Variants in CLRN3 observed in about 807,000 individuals in gnomAD.
The protein encoded by CLRN3 is clarin 3.
CLRN3 carries 12 observed loss-of-function variants against 16.7 expected under a neutral mutation model. The ratio of observed to expected loss-of-function variants is 0.72; its 90% confidence interval spans 0.46 to 1.16. The LOEUF (loss-of-function observed/expected upper bound fraction) is 1.16, where lower values mean the gene tolerates loss of function less well. Ranked by LOEUF, CLRN3 falls within the 50% of genes most tolerant of loss-of-function variation. The pLI is 0.00. For synonymous variants in CLRN3, 118 were observed against 113.0 expected (o/e 1.04, Z -0.28); for missense variants, 296 against 274.2 (o/e 1.08, Z -0.56).
Position 127,892,938 on chromosome 10 carries a change from A to G in CLRN3, c.-154T>C, listed in dbSNP as rs1845276170. 1.1e-5 allele frequency: 7 copies of G among 609,664 alleles called. No homozygotes were observed. The highest frequency in any genetic ancestry group is 1.2e-5 in the Non-Finnish European group (4 of 346,110). The allele number at this position is 609,664 out of a possible 1,614,324, so 37.8% of individuals were successfully genotyped here. On this transcript the variant is annotated 5_prime_UTR_variant, in exon 1 of 3. Coordinates refer to ENST00000368671, the MANE Select transcript of CLRN3 (RefSeq NM_152311.5). Reference sequence around the variant, plus strand: ...ACTCTTCCTGAGGAAGGGTTATGCTAATGGACATTGAACTCTGAACATGGC... The same window carrying G: ...ACTCTTCCTGAGGAAGGGTTATGCTGATGGACATTGAACTCTGAACATGGC...
In CLRN3 at chr10:127,883,606, T is replaced by G; in HGVS notation, c.409+90A>C. 6.5e-6 allele frequency: 6 copies of G among 924,968 alleles called. No individual in the cohort carries two copies. In the Admixed American group the frequency reaches 8.7e-5, roughly 13 times the overall value. 57.3% of individuals were successfully genotyped at this position (924,968 alleles called of 1,614,324 possible). ...AGTTTCCTTGGTGTAAACGTGACTG[T>G]GTATGTTCATGCATGTGTGAGAGGC... On this transcript the variant is annotated intron_variant, in intron 2 of 2. Coordinates refer to ENST00000368671, the MANE Select transcript of CLRN3 (RefSeq NM_152311.5).
Position 127,878,113 on chromosome 10 carries a change from C to T in CLRN3, c.*36G>A, listed in dbSNP as rs1845079668. 1 of 1,603,608 alleles carries T rather than the reference C, an allele frequency of 6.2e-7. No homozygotes were observed. The highest frequency in any genetic ancestry group is 8.5e-7 in the Non-Finnish European group (1 of 1,172,674). On this transcript the variant is annotated 3_prime_UTR_variant, in exon 3 of 3. Transcript: ENST00000368671. Reference sequence around the variant, plus strand: ...CCAGTTACTACTCAGGGCTGATGTACAATAGATGCAACGCCAAAATGAGAT... The same window carrying T: ...CCAGTTACTACTCAGGGCTGATGTATAATAGATGCAACGCCAAAATGAGAT...
At position 127,892,595 on chromosome 10, in the gene CLRN3, A is replaced by G. The variant is rs150508378; in HGVS notation, c.190T>C (p.Leu64=). ...GLFRGESSEE[L]SHGLAEPKKK... ...TTTGGTTCTGCAAGTCCGTGACTCA[A>G]TTCTTCACTACTCTCCCCACGAAAA... The change falls in exon 1 of 3, where the codon TTG becomes CTG. Residue 64 remains leucine, a synonymous_variant. Coordinates refer to ENST00000368671, the MANE Select transcript of CLRN3 (RefSeq NM_152311.5). 2.3e-5 allele frequency: 37 copies of G among 1,612,132 alleles called. No homozygotes were observed. Among genetic ancestry groups the G allele is most frequent in the African/African-American group, 2.1e-4 (16 of 74,908 alleles).
chr10:127,878,372 G>A lies in CLRN3; in HGVS notation c.458C>T (p.Ser153Phe). The change falls in exon 3 of 3, where the codon TCC becomes TTC. Residue 153 changes from serine to phenylalanine, a missense_variant. Ser to Phe is a radical substitution (Grantham distance 155, BLOSUM62 -2). Coordinates refer to ENST00000368671, the MANE Select transcript of CLRN3 (RefSeq NM_152311.5). ...GAACAACTCTTCGGAGAGTTGGTTG[G>A]ACTGCGTGTTCGCCACAAACAGTAT... Reference protein sequence around the residue: ...TMILFVANTQSNQLSEELFQM... With the variant: ...TMILFVANTQFNQLSEELFQM... 1 of 1,614,218 alleles carries A rather than the reference G, an allele frequency of 6.2e-7. No individual in the cohort carries two copies. Among genetic ancestry groups the A allele is most frequent in the Non-Finnish European group, 8.5e-7 (1 of 1,180,046 alleles).
chr10:127,883,395 C>T (rs7918202), intron 2 of CLRN3, among the ~76,000 whole-genome samples: 14,010 of 152,210 alleles, frequency 0.092, 761 homozygotes, highest in Middle Eastern at 0.21. Flanking sequence ...GGCAGGAGCC[C>T]GGTCAATATT....
At chr10:127,885,093 A>T (rs1210090093) in intron 1 of CLRN3, among the ~76,000 whole-genome samples, 2 of 152,198 alleles carry the variant, frequency 1.3e-5, no homozygotes, top group Admixed American at 1.3e-4. Flanking sequence ...AGCTTTAAAG[A>T]ACAGAAAGCG....
chr10:127,878,443 T>C, intron 2 of CLRN3, 23 bp from the exon 3 acceptor site: 2 of 1,612,334 alleles, frequency 1.2e-6, no homozygotes, highest in East Asian at 2.2e-5. Context: ...TGGAGTTTCA[T>C]GCATGGCATG....
chr10:127,878,052 G>T lies in CLRN3; in HGVS notation c.*97C>A. 2 of 1,395,770 alleles carry T rather than the reference G, an allele frequency of 1.4e-6. No individual in the cohort carries two copies. Among genetic ancestry groups the T allele is most frequent in the Non-Finnish European group, 9.9e-7 (1 of 1,014,770 alleles). 86.5% of individuals were successfully genotyped at this position (1,395,770 alleles called of 1,614,324 possible). On this transcript the variant is annotated 3_prime_UTR_variant, in exon 3 of 3. Coordinates refer to ENST00000368671, the MANE Select transcript of CLRN3 (RefSeq NM_152311.5). ...AACACAAATGCTGTCACAGATGACA[G>T]TCACGTTACCATGCTGAATTGTCCA...
chr10:127,879,024 C>T lies in CLRN3; in HGVS notation c.410-604G>A, dbSNP rs187453592. Among the ~76,000 whole-genome samples, 8 of 152,320 alleles carry T rather than the reference C, an allele frequency of 5.3e-5. No individual in the cohort carries two copies. In the East Asian group the frequency reaches 1.5e-3, roughly 29 times the overall value. ...CAAGTGTCTAATCAGGAGGAATCTC[C>T]TTACAAAACTCATTAGAGAAGAGAA... On this transcript the variant is annotated intron_variant, in intron 2 of 2. Coordinates refer to ENST00000368671, the MANE Select transcript of CLRN3 (RefSeq NM_152311.5).
intron 2 of CLRN3, among the ~76,000 whole-genome samples, chr10:127,880,364 C>A (rs1163457570): frequency 6.6e-6 from 1 of 151,956 alleles, no homozygotes; most frequent in African/African-American, 2.4e-5. Flanking sequence ...AGAGCCTCTA[C>A]CTGCCAGGCT....
Position 127,887,514 on chromosome 10 carries a change from T to C in CLRN3, c.230-3639A>G, listed in dbSNP as rs551517764. Among the ~76,000 whole-genome samples the C allele has an allele frequency of 1.1e-4, 17 of 152,240 alleles. 1 individual carries two copies. The highest frequency in any genetic ancestry group is 3.9e-4 in the African/African-American group (16 of 41,524). On this transcript the variant is annotated intron_variant, in intron 1 of 2. Transcript: ENST00000368671. ...TTGAATTTGGTTTTGTTTGTGACTT[T>C]TGGTAAGATCTAATGATGTGATTTT... is the stretch of plus-strand genomic sequence containing the variant.
rs777997418 is a variant in CLRN3 at position 127,883,689 on chromosome 10, C to T, written c.409+7G>A. ...TGCAGAGCACCGAGTCTCACAGGGC[C>T]ACTCACCACCGAGCCCGTTCCAGGT... On this transcript the variant is annotated splice_region_variant and intron_variant, in intron 2 of 2. Transcript: ENST00000368671. The T allele has an allele frequency of 1.2e-6, 2 of 1,602,864 alleles. No individual in the cohort carries two copies. The highest frequency in any genetic ancestry group is 2.2e-5 in the South Asian group (2 of 90,822).
chr10:127,881,276 G>T (rs576413377), intron 2 of CLRN3, among the ~76,000 whole-genome samples: 173 of 152,320 alleles, frequency 1.1e-3, no homozygotes, highest in Non-Finnish European at 1.4e-3. Context: ...TTGTGGATAG[G>T]AGTAGGCAGG....
intron 1 of CLRN3, among the ~76,000 whole-genome samples, chr10:127,887,964 C>G (rs1450193389): frequency 6.6e-6 from 1 of 152,176 alleles, no homozygotes; most frequent in African/African-American, 2.4e-5. Flanking sequence ...GAGGCAGAAA[C>G]GTGCTGTTGG....
intron 2 of CLRN3, among the ~76,000 whole-genome samples, chr10:127,881,327 C>T (rs1845125254): frequency 6.6e-6 from 1 of 152,182 alleles, no homozygotes; most frequent in East Asian, 1.9e-4. Context: ...TCATGTTTTC[C>T]TTCACAAACA....
chr10:127,885,231 A>G (rs1025698369), intron 1 of CLRN3, among the ~76,000 whole-genome samples: 1 of 152,182 alleles, frequency 6.6e-6, no homozygotes, highest in African/African-American at 2.4e-5. Flanking sequence ...AATGGGAGGC[A>G]GGAGACCCCA....
intron 1 of CLRN3, among the ~76,000 whole-genome samples, chr10:127,888,109 A>G (rs1845218207): frequency 6.6e-6 from 1 of 152,190 alleles, no homozygotes; most frequent in Admixed American, 6.5e-5. Context: ...ACATCAAGGG[A>G]GAGCCCGTGG....
At chr10:127,886,020 G>T (rs1591261277) in intron 1 of CLRN3, among the ~76,000 whole-genome samples, 1 of 152,202 alleles carries the variant, frequency 6.6e-6, no homozygotes, top group East Asian at 1.9e-4. Context: ...CTACCAAAGT[G>T]CTGGGATTAC....
Position 127,892,822 on chromosome 10 carries a change from A to T in CLRN3, c.-38T>A. ...ATAAGTTCTCTAGGACAAAAAAAGG[A>T]ATATCTTCTTATAACACTTTTGAAC... On this transcript the variant is annotated 5_prime_UTR_variant, in exon 1 of 3. Transcript: ENST00000368671. 8.2e-7 allele frequency: 1 copy of T among 1,213,946 alleles called. No homozygotes were observed. The highest frequency in any genetic ancestry group is 1.2e-6 in the Non-Finnish European group (1 of 826,226). The allele number at this position is 1,213,946 out of a possible 1,614,324, so 75.2% of individuals were successfully genotyped here.
Sources: allele counts gnomAD v4.1 joint callset (sites outside exome capture counted in the v4.1 genomes callset), GRCh38; gene constraint gnomAD v4.1.1; transcripts MANE v1.5; gene names NCBI Gene and HGNC (gene_info 2026-07-23, HGNC 2026-07-21).